The following MYH11 variants were observed in gnomAD, a reference collection of about 807,000 sequenced individuals.
MYH11 encodes the protein myosin-11.
In MYH11, 80 loss-of-function variants were observed where a neutral mutation model predicts 246.6. The observed-to-expected ratio is 0.32, with a 90% CI of 0.27 to 0.39. The LOEUF is 0.39. Ranked by LOEUF, MYH11 falls within the 10% of genes least tolerant of loss-of-function variation. The pLI, the probability that MYH11 is intolerant of heterozygous loss-of-function variation, is 1.00. For missense variants in MYH11, 2,158 were observed against 2,546.8 expected (o/e 0.85, Z 3.29); for synonymous variants, 1,071 against 1,015.5 (o/e 1.05, Z -1.04).
At chr16:15,767,520 C>A (rs1477341837) in intron 9 of MYH11, among the ~76,000 whole-genome samples, 1 of 152,018 alleles carries the variant, frequency 6.6e-6, no homozygotes, top group Non-Finnish European at 1.5e-5. Flanking sequence ...CGGGGTCTCA[C>A]TATATTGCCC....
chr16:15,824,432 C>A (rs2043505381), intron 2 of MYH11, among the ~76,000 whole-genome samples: 1 of 152,048 alleles, frequency 6.6e-6, no homozygotes, highest in Non-Finnish European at 1.5e-5. Context: ...TGTGCACAAC[C>A]ATGCCCAGGT....
At chr16:15,781,343 G>C (rs1013949723) in intron 6 of MYH11, among the ~76,000 whole-genome samples, 3 of 152,204 alleles carry the variant, frequency 2.0e-5, no homozygotes, top group African/African-American at 7.2e-5. Flanking sequence ...GGCGAGGAAA[G>C]GAGACATTAT....
chr16:15,742,413 C>T (rs1424432294), intron 20 of MYH11, among the ~76,000 whole-genome samples: 1 of 152,202 alleles, frequency 6.6e-6, no homozygotes. Flanking sequence ...TAAGACCATG[C>T]TGCCTAGTTG....
intron 31 of MYH11, among the ~76,000 whole-genome samples, chr16:15,721,934 T>C (rs748366198): frequency 5.8e-4 from 88 of 152,186 alleles, no homozygotes; most frequent in Admixed American, 1.1e-3. Flanking sequence ...CTTGGTTCAC[T>C]GCAACCTCCG....
chr16:15,750,072 G>A lies in MYH11; in HGVS notation c.2058+66C>T, dbSNP rs373362818. ...AGGTGGGGGCAGAGGGCGCCCTGGG[G>A]ACGCTGTGACCGCTTGGGACAGCCC... On this transcript the variant is annotated intron_variant, in intron 16 of 40. Transcript: ENST00000300036. The surrounding 1 kb of genome is among the most constrained non-coding windows in gnomAD (Gnocchi z 4.3). 66 of 1,597,440 alleles carry A rather than the reference G, an allele frequency of 4.1e-5. No individual in the cohort carries two copies. The Middle Eastern group carries it at 5.0e-4, about 12-fold the overall frequency.
At chr16:15,715,323 G>C in intron 38 of MYH11, 51 bp from the exon 39 acceptor site, 5 of 1,577,248 alleles carry the variant, frequency 3.2e-6, no homozygotes, top group East Asian at 2.2e-5. Flanking sequence ...GGCACCCCTT[G>C]TAGCTGGTGT....
At chr16:15,727,873 G>A (rs552056556) in intron 27 of MYH11, among the ~76,000 whole-genome samples, 3 of 152,066 alleles carry the variant, frequency 2.0e-5, no homozygotes, top group Admixed American at 6.6e-5. Flanking sequence ...CTCAGGAGGC[G>A]GATGGCAGGC....
At chr16:15,763,741 T>TCCGCCCCCCCCCCC in intron 10 of MYH11, 55 bp downstream of exon 10, 1 of 646,852 alleles carries the variant, frequency 1.5e-6, no homozygotes. Flanking sequence ...AAATGTCACC[T>TCCGCCCCCCCCCCC]CCCCCACCCC....
chr16:15,838,175 G>C lies in MYH11; in HGVS notation c.78C>G (p.Ala26=), dbSNP rs917804462. Residue 26 remains alanine (A), a synonymous_variant, in exon 2 of 41, where the codon GCC becomes GCG. Coordinates refer to ENST00000300036, the MANE Select transcript of MYH11 (RefSeq NM_002474.3). ...VDKNFINSPV[A]QADWAAKRLV... ...GTCTCTTGGCGGCCCAGTCAGCCTG[G>C]GCCACTGGGCTGTTGATGAAGTTTT... The C allele has an allele frequency of 4.3e-6, 7 of 1,613,972 alleles. No homozygotes were observed. Among genetic ancestry groups the C allele is most frequent in the Admixed American group, 3.3e-5 (2 of 59,978 alleles).
chr16:15,715,309 G>C lies in MYH11; in HGVS notation c.5505-37C>G, dbSNP rs776028677. 19 of 1,605,720 alleles carry C rather than the reference G, an allele frequency of 1.2e-5. No individual in the cohort carries two copies. The South Asian group carries it at 2.0e-4, about 17-fold the overall frequency. Reference sequence around the variant, plus strand: ...AAGGAAAACAGGTGGTTTCAGCGGAGGGTGGCACCCCTTGTAGCTGGTGTG... The same window carrying C: ...AAGGAAAACAGGTGGTTTCAGCGGACGGTGGCACCCCTTGTAGCTGGTGTG... On this transcript the variant is annotated intron_variant, in intron 38 of 40. Coordinates refer to ENST00000300036, the MANE Select transcript of MYH11 (RefSeq NM_002474.3).
chr16:15,835,255 T>G (rs1455329800), intron 2 of MYH11, among the ~76,000 whole-genome samples: 3 of 152,134 alleles, frequency 2.0e-5, no homozygotes, highest in Non-Finnish European at 4.4e-5. Flanking sequence ...CTTCCTGAGA[T>G]ATATTACACA....
intron 3 of MYH11, among the ~76,000 whole-genome samples, chr16:15,813,981 T>C (rs2043198722): frequency 6.7e-6 from 1 of 148,970 alleles, no homozygotes; most frequent in Non-Finnish European, 1.5e-5. Flanking sequence ...CCGTCTCTAC[T>C]AAAAATACAG....
chr16:15,805,497 A>C (rs1483042575), intron 3 of MYH11, among the ~76,000 whole-genome samples: 1 of 152,248 alleles, frequency 6.6e-6, no homozygotes, highest in Non-Finnish European at 1.5e-5. Flanking sequence ...ATATTGGTAA[A>C]AATTATGGAC....
At chr16:15,758,078 C>A in intron 12 of MYH11, 78 bp from the exon 13 acceptor site, 1 of 1,599,606 alleles carries the variant, frequency 6.3e-7, no homozygotes, top group Non-Finnish European at 8.6e-7. Context: ...AGAAGCTCCA[C>A]CCGACAGCGC....
intron 31 of MYH11, among the ~76,000 whole-genome samples, chr16:15,723,502 C>T (rs1195201752): frequency 6.6e-6 from 1 of 151,818 alleles, no homozygotes; most frequent in Non-Finnish European, 1.5e-5. Context: ...CAAAAATTAG[C>T]CAGACATAGT....
intron 3 of MYH11, among the ~76,000 whole-genome samples, chr16:15,814,553 C>CAAAAAAAAAAAAAAA (rs58806731): frequency 5.3e-4 from 12 of 22,824 alleles, no homozygotes; most frequent in South Asian, 6.8e-3. Flanking sequence ...AACTCCATCT[C>CAAAAAAAAAAAAAAA]AAAAAAAAAA....
intron 20 of MYH11, 101 bp from the exon 21 acceptor site, chr16:15,741,992 C>G (rs1161493820): frequency 1.3e-6 from 2 of 1,498,252 alleles, no homozygotes; most frequent in African/African-American, 2.8e-5. Flanking sequence ...AATGTTGCCC[C>G]CACCGATCCC....
Position 15,747,695 on chromosome 16 carries a change from C to T in MYH11, c.2286G>A (p.Arg762=). ...KALELDPNLY[R]IGQSKIFFRT... The stretch of plus-strand genomic sequence containing the variant: ...GGAAGAAGATTTTGCTCTGCCCTAT[C>T]CTGTATAAGTTGGGGTCAAGTTCCA... The change falls in exon 19 of 41, where the codon AGG becomes AGA. Residue 762 remains arginine (R), a synonymous_variant. Transcript: ENST00000300036. The T allele has an allele frequency of 6.2e-7, 1 of 1,614,052 alleles. No homozygotes were observed. The highest frequency in any genetic ancestry group is 8.5e-7 in the Non-Finnish European group (1 of 1,180,026).
intron 27 of MYH11, among the ~76,000 whole-genome samples, chr16:15,728,795 G>A (rs2040873337): frequency 6.6e-6 from 1 of 152,052 alleles, no homozygotes; most frequent in Non-Finnish European, 1.5e-5. Context: ...AGCTGCTGAG[G>A]AGGCTGAAGC....
Sources: allele counts gnomAD v4.1 joint callset (sites outside exome capture counted in the v4.1 genomes callset), GRCh38; gene constraint gnomAD v4.1.1; non-coding constraint Gnocchi (gnomAD v3.1); transcripts MANE v1.5; gene names NCBI Gene and HGNC (gene_info 2026-07-23, HGNC 2026-07-21).